The following ADGRD2 variants were observed in gnomAD, a reference collection of about 807,000 sequenced individuals.
ADGRD2 encodes adhesion G protein-coupled receptor D2.
Under a neutral mutation model 44.4 loss-of-function variants are expected in ADGRD2, and 71 were observed. The observed-to-expected ratio is 1.60, with a 90% CI of 1.32 to 1.95. ADGRD2 has a LOEUF of 1.95. ADGRD2 is among the 30% of genes most tolerant of loss of function. The pLI is 0.00. For missense variants in ADGRD2, 1,039 were observed against 512.4 expected, an observed-to-expected ratio of 2.03 and a Z score of -9.92; for synonymous variants, 481 against 224.8, an observed-to-expected ratio of 2.14 and a Z score of -10.19.
At chr9:124,464,775 C>A (rs1316458936) in intron 10 of ADGRD2, among the ~76,000 whole-genome samples, 1 of 97,238 alleles carries the variant, frequency 1.0e-5, no homozygotes, top group East Asian at 2.7e-4. Flanking sequence ...CTGTTAAGTT[C>A]ACTGCATGTT....
intron 2 of ADGRD2, 84 bp from the exon 6 acceptor site, chr9:124,452,951 G>A (rs1264902754): frequency 6.6e-6 from 4 of 605,154 alleles, no homozygotes; most frequent in Non-Finnish European, 1.2e-5. Flanking sequence ...AGCCTGGAAG[G>A]ACCCCACCGC....
chr9:124,472,003 GTGGC>G (rs1230800274), intron 17 of ADGRD2, among the ~76,000 whole-genome samples: 1 of 152,214 alleles, frequency 6.6e-6, no homozygotes, highest in East Asian at 1.9e-4. Context: ...GGGGCAGGTG[GTGGC>G]ATCTTGTTGC....
In ADGRD2 at chr9:124,455,147, G is replaced by C. The variant is rs1831591298; in HGVS notation, c.1393+20G>C. 2 of 678,564 alleles carry C rather than the reference G, an allele frequency of 2.9e-6. No homozygotes were observed. The highest frequency in any genetic ancestry group is 2.1e-5 in the Admixed American group (1 of 48,390). The allele number at this position is 678,564 out of a possible 1,614,324, so 42.0% of individuals were successfully genotyped here. The stretch of plus-strand genomic sequence containing the variant: ...CGTGAAGTGAGGCTGGCAGGGCTGG[G>C]TGGGGCAGGGGCCTGGGCTATGGTT... On this transcript the variant is annotated intron_variant, in intron 6 of 21. Coordinates refer to ENST00000334810, the Ensembl canonical transcript of ADGRD2.
intron 17 of ADGRD2, among the ~76,000 whole-genome samples, chr9:124,471,520 C>T (rs1408345669): frequency 1.3e-5 from 2 of 152,210 alleles, no homozygotes; most frequent in Non-Finnish European, 2.9e-5. Flanking sequence ...AGCCCCAGGC[C>T]AGGCTCCTAT....
Position 124,471,126 on chromosome 9 carries a change from G to T in ADGRD2, c.2758+512G>T, listed in dbSNP as rs556526165. Among the ~76,000 whole-genome samples the T allele has an allele frequency of 2.0e-5, 3 of 152,324 alleles. No individual in the cohort carries two copies. In the South Asian group the frequency reaches 6.2e-4, roughly 32 times the overall value. On this transcript the variant is annotated intron_variant, in intron 17 of 21. Coordinates refer to ENST00000334810, the Ensembl canonical transcript of ADGRD2. The stretch of plus-strand genomic sequence containing the variant: ...CCTGTGTGCTAGAACCACAGGGAGA[G>T]GGCCAACTAGGTCCCTCTCGGGGGA...
chr9:124,458,731 G>T lies in ADGRD2; in HGVS notation c.1870+10G>T, dbSNP rs751606254. 1.4e-6 allele frequency: 1 copy of T among 717,358 alleles called. No homozygotes were observed. The highest frequency in any genetic ancestry group is 2.0e-5 in the Admixed American group (1 of 49,932). 44.4% of individuals were successfully genotyped at this position (717,358 alleles called of 1,614,324 possible). On this transcript the variant is annotated intron_variant, in intron 10 of 21. Transcript: ENST00000334810. ...CCAGCACCGGGCCCAGGTACTGGGT[G>T]GCGCTTCTGGGAAGCAGCCATCCTG...
intron 10 of ADGRD2, chr9:124,465,372 GA>G (rs1831800608): frequency 7.3e-6 from 1 of 137,514 alleles, no homozygotes; most frequent in African/African-American, 2.8e-5. Flanking sequence ...TTTTTTTTGA[GA>G]TGGAGTCTTG....
At chr9:124,475,640 G>T (rs1166177239) in intron 19 of ADGRD2, 25 bp downstream of exon 22, 1 of 632,114 alleles carries the variant, frequency 1.6e-6, no homozygotes, top group Non-Finnish European at 2.9e-6. Context: ...GGGGGTGTGG[G>T]TGGGGGCGGG....
In ADGRD2 at chr9:124,454,776, A is replaced by G. The variant is rs1382369246; in HGVS notation, c.1109-67A>G. 2 of 623,566 alleles carry G rather than the reference A, an allele frequency of 3.2e-6. No individual in the cohort carries two copies. The highest frequency in any genetic ancestry group is 5.5e-5 in the East Asian group (2 of 36,386). 38.6% of individuals were successfully genotyped at this position (623,566 alleles called of 1,614,324 possible). A position where few individuals can be genotyped will look rare whatever the true frequency, so the allele number is the denominator to read the frequency against. ...ACCAAGAAGACCCTGGCAAAGCCCAAGTGTGGCCCTTGGGGGGATCCCCTC... is the reference window on the plus strand; with the variant it reads ...ACCAAGAAGACCCTGGCAAAGCCCAGGTGTGGCCCTTGGGGGGATCCCCTC... On this transcript the variant is annotated intron_variant, in intron 5 of 21. Transcript: ENST00000334810. The surrounding 1 kb of genome is among the most constrained non-coding windows in gnomAD (Gnocchi z 4.5).
At chr9:124,466,937 G>T (rs1191299454) in intron 11 of ADGRD2, 1 of 152,746 alleles carries the variant, frequency 6.5e-6, no homozygotes, top group Non-Finnish European at 1.5e-5. Context: ...GAGAAGTCAG[G>T]TGAGATGGGA....
intron 1 of ADGRD2, 60 bp from the exon 5 acceptor site, chr9:124,452,450 C>A (rs1261280790): frequency 1.4e-6 from 1 of 717,132 alleles, no homozygotes; most frequent in East Asian, 2.7e-5. Context: ...CTCCGCCCAG[C>A]CCTGGAAGAG....
At chr9:124,477,786 G>T (rs1832075635) in intron 21 of ADGRD2, among the ~76,000 whole-genome samples, 1 of 152,036 alleles carries the variant, frequency 6.6e-6, no homozygotes, top group South Asian at 2.1e-4. Flanking sequence ...CGCCCCCCGG[G>T]GCCAGCGCCC....
chr9:124,461,630 T>G (rs1831723090), intron 10 of ADGRD2, among the ~76,000 whole-genome samples: 1 of 152,156 alleles, frequency 6.6e-6, no homozygotes, highest in Admixed American at 6.5e-5. Flanking sequence ...TCTGTTCTAG[T>G]GATTTATATG....
At chr9:124,466,286 G>A (rs1277671110) in exon 11 of ADGRD2, 2 of 707,952 alleles carry the variant, frequency 2.8e-6, no homozygotes, top group Non-Finnish European at 5.3e-6. Flanking sequence ...CATCCCCCAA[G>A]CCCATATACA....
In ADGRD2 at chr9:124,469,370, T is replaced by C. The variant is rs961502362; in HGVS notation, c.2521+15T>C. ...TCGTGCTGACTGTGAGCTGGGGACC[T>C]GCAGGGGAGGGGCGTGTTGGGGATG... On this transcript the variant is annotated intron_variant, in intron 15 of 21. Transcript: ENST00000334810. The C allele has an allele frequency of 1.3e-5, 9 of 718,176 alleles. No homozygotes were observed. The highest frequency in any genetic ancestry group is 2.3e-5 in the Non-Finnish European group (9 of 385,086). The allele number at this position is 718,176 out of a possible 1,614,324, so 44.5% of individuals were successfully genotyped here. A position where few individuals can be genotyped will look rare whatever the true frequency, so the allele number is the denominator to read the frequency against.
chr9:124,456,529 C>A (rs1421502008), intron 6 of ADGRD2, 93 bp from the exon 10 acceptor site: 2 of 689,640 alleles, frequency 2.9e-6, no homozygotes, highest in East Asian at 2.7e-5. Flanking sequence ...GCAGGACCAC[C>A]TCCCAGATCA....
At chr9:124,474,074 G>C (rs759986812) in intron 17 of ADGRD2, among the ~76,000 whole-genome samples, 1 of 152,004 alleles carries the variant, frequency 6.6e-6, no homozygotes, top group East Asian at 1.9e-4. Flanking sequence ...TCAGGAGTTC[G>C]AGACCAGCCT....
intron 10 of ADGRD2, among the ~76,000 whole-genome samples, chr9:124,464,223 T>C (rs1831772104): frequency 6.6e-6 from 1 of 152,180 alleles, no homozygotes; most frequent in South Asian, 2.1e-4. Flanking sequence ...GTGTTACTCA[T>C]TGTGACACAT....
chr9:124,453,652 G>T (rs1206115481), exon 3 of ADGRD2: 2 of 701,010 alleles, frequency 2.9e-6, no homozygotes, highest in Non-Finnish European at 5.2e-6. Flanking sequence ...GCTGCCCACT[G>T]TGTGGGTGCG....
Sources: allele counts gnomAD v4.1 joint callset (sites outside exome capture counted in the v4.1 genomes callset), GRCh38; gene constraint gnomAD v4.1.1; non-coding constraint Gnocchi (gnomAD v3.1); transcripts MANE v1.5; gene names NCBI Gene and HGNC (gene_info 2026-07-23, HGNC 2026-07-21).